The following RBM25 variants were observed in gnomAD, a reference collection of about 807,000 sequenced individuals.
The protein encoded by RBM25 is RNA binding motif protein 25, also known as RNA-binding protein 25.
Under a neutral mutation model 120.7 loss-of-function variants are expected in RBM25, and 19 were observed. The ratio of observed to expected loss-of-function variants is 0.16; its 90% confidence interval spans 0.11 to 0.23. RBM25 has a LOEUF of 0.23. RBM25 is among the 10% of genes least tolerant of loss of function. The probability of loss-of-function intolerance (pLI) is 1.00; values close to 1 mark genes in which losing one functional copy is unlikely to be tolerated. For synonymous variants in RBM25, 390 were observed against 326.7 expected (o/e 1.19, Z -2.09); for missense variants, 605 against 1,041.5 (o/e 0.58, Z 5.77).
chr14:73,073,919 T>G (rs1251160530), intron 2 of RBM25, among the ~76,000 whole-genome samples: 1 of 152,172 alleles, frequency 6.6e-6, no homozygotes, highest in East Asian at 1.9e-4. Context: ...AAGTAGTAAC[T>G]TAGTTGTTTT....
At chr14:73,097,179 GTTTTCTTTTTTCTTTTCTTT>G (rs1895958682) in intron 7 of RBM25, 79 bp downstream of exon 7, 1 of 273,018 alleles carries the variant, frequency 3.7e-6, no homozygotes, top group South Asian at 1.2e-4. Flanking sequence ...TTACATGTCA[GTTTTCTTTTTTCTTTTCTTT>G]TTTTTTTTTT....
intron 2 of RBM25, among the ~76,000 whole-genome samples, chr14:73,075,941 CA>C (rs1825826528): frequency 6.6e-6 from 1 of 152,036 alleles, no homozygotes; most frequent in South Asian, 2.1e-4. Flanking sequence ...CCACCGTGCC[CA>C]GCTGTTTTTA....
intron 10 of RBM25, among the ~76,000 whole-genome samples, chr14:73,104,671 A>G (rs948099792): frequency 6.6e-6 from 1 of 152,020 alleles, no homozygotes; most frequent in Non-Finnish European, 1.5e-5. Context: ...CCGGCCTTAT[A>G]TTGAATTATT....
intron 10 of RBM25, among the ~76,000 whole-genome samples, chr14:73,103,990 ACACACTCTCT>A (rs1896124504): frequency 8.6e-6 from 1 of 116,660 alleles, no homozygotes; most frequent in East Asian, 2.6e-4. Context: ...ACACACACAC[ACACACTCTCT>A]CTCTCTCTCT....
rs181768259 is a variant in RBM25, at chr14:73,091,550, C to T, written c.543+3389C>T. On this transcript the variant is annotated intron_variant, in intron 6 of 18. Coordinates refer to ENST00000261973, the MANE Select transcript of RBM25 (RefSeq NM_021239.3). Reference sequence around the variant, plus strand: ...TATAATCAACATTAGCCAGAGTAACCACACTTTAGATCTGTTGGTCTTCAG... The same window carrying T: ...TATAATCAACATTAGCCAGAGTAACTACACTTTAGATCTGTTGGTCTTCAG... Among the ~76,000 whole-genome samples the T allele has an allele frequency of 1.7e-3, 259 of 152,130 alleles. 3 individuals carry two copies. The highest frequency in any genetic ancestry group is 3.3e-3 in the Non-Finnish European group (224 of 68,016).
intron 18 of RBM25, among the ~76,000 whole-genome samples, chr14:73,115,608 T>C (rs1418881897): frequency 1.3e-5 from 2 of 152,186 alleles, no homozygotes; most frequent in African/African-American, 4.8e-5. Flanking sequence ...TTGCATTTAA[T>C]TTGGGATTAC....
At chr14:73,091,350 G>A in intron 6 of RBM25, among the ~76,000 whole-genome samples, 1 of 152,002 alleles carries the variant, frequency 6.6e-6, no homozygotes, top group East Asian at 1.9e-4. Context: ...CCTCAGCTGG[G>A]ACTACAGGTA....
rs113745177 is a variant in RBM25 at position 73,060,205 on chromosome 14, A to G, written c.-16+1500A>G. ...AGGCGCGCGCCACCACGCCCGGCTA[A>G]TTTTTGTAGTTTTAATAGAGGCGAG... On this transcript the variant is annotated intron_variant, in intron 1 of 18. Coordinates refer to ENST00000261973, the MANE Select transcript of RBM25 (RefSeq NM_021239.3). Among the ~76,000 whole-genome samples the G allele has an allele frequency of 3.9e-3, 584 of 148,354 alleles. 8 individuals carry two copies. The highest frequency in any genetic ancestry group is 0.013 in the African/African-American group (523 of 41,140).
intron 1 of RBM25, among the ~76,000 whole-genome samples, chr14:73,067,598 G>A (rs1465853014): frequency 2.1e-5 from 3 of 145,544 alleles, no homozygotes; most frequent in Non-Finnish European, 4.5e-5. Context: ...ATGTTTTATT[G>A]CCTGTATTTT....
At chr14:73,082,384 T>C (rs1300788722) in intron 4 of RBM25, among the ~76,000 whole-genome samples, 2 of 152,146 alleles carry the variant, frequency 1.3e-5, no homozygotes, top group African/African-American at 2.4e-5. Flanking sequence ...CTCGATTTCC[T>C]GGGCTCTAGC....
chr14:73,082,916 A>C (rs1295660105), intron 4 of RBM25, among the ~76,000 whole-genome samples: 1 of 151,632 alleles, frequency 6.6e-6, no homozygotes, highest in East Asian at 1.9e-4. Flanking sequence ...ATAAAAAAAA[A>C]AAAACAAAAA....
chr14:73,060,279 C>T (rs1894973373), intron 1 of RBM25, among the ~76,000 whole-genome samples: 2 of 151,362 alleles, frequency 1.3e-5, no homozygotes, highest in South Asian at 4.2e-4. Flanking sequence ...CCTCGTGATC[C>T]GCCCGCCTAG....
In RBM25 at chr14:73,122,563, A is replaced by C. The variant is rs1397872142; in HGVS notation, c.*2758A>C. Reference sequence around the variant, plus strand: ...AGTGCTGGTATTACAGGCGTGAGCCACCTTGCCTGGCCAAAGCGTGAACAT... The same window carrying C: ...AGTGCTGGTATTACAGGCGTGAGCCCCCTTGCCTGGCCAAAGCGTGAACAT... On this transcript the variant is annotated 3_prime_UTR_variant, in exon 19 of 19. Coordinates refer to ENST00000261973, the MANE Select transcript of RBM25 (RefSeq NM_021239.3). 6.6e-6 allele frequency: 1 copy of C among 152,202 alleles called. No individual in the cohort carries two copies. The highest frequency in any genetic ancestry group is 1.5e-5 in the Non-Finnish European group (1 of 68,054). 9.4% of individuals were successfully genotyped at this position (152,202 alleles called of 1,614,324 possible). A position where few individuals can be genotyped will look rare whatever the true frequency, so the allele number is the denominator to read the frequency against.
At chr14:73,080,213 CTTTTTTTTTTT>C (rs766461418) in intron 4 of RBM25, among the ~76,000 whole-genome samples, 12 of 67,198 alleles carry the variant, frequency 1.8e-4, no homozygotes, top group East Asian at 1.5e-3. Context: ...TCTTACACAT[CTTTTTTTTTTT>C]TTTTTTTTTT....
chr14:73,095,026 T>G (rs1159807067), intron 6 of RBM25, among the ~76,000 whole-genome samples: 2 of 150,582 alleles, frequency 1.3e-5, no homozygotes, highest in Admixed American at 1.3e-4. Context: ...CCAGCTAATT[T>G]TTTGTATTTT....
At chr14:73,063,823 C>T (rs552116837) in intron 1 of RBM25, among the ~76,000 whole-genome samples, 1 of 151,512 alleles carries the variant, frequency 6.6e-6, no homozygotes, top group South Asian at 2.1e-4. Flanking sequence ...AAATGATTTT[C>T]ACCTCATTCA....
intron 6 of RBM25, among the ~76,000 whole-genome samples, chr14:73,091,601 G>A (rs980960936): frequency 2.6e-5 from 4 of 152,116 alleles, no homozygotes; most frequent in Non-Finnish European, 4.4e-5. Context: ...TCTGGATGTG[G>A]TGGCTCACAC....
chr14:73,099,466 G>T, intron 8 of RBM25, 33 bp downstream of exon 8: 1 of 1,600,304 alleles, frequency 6.2e-7, no homozygotes. Context: ...GACAATACCT[G>T]TGTTTACTGC....
At chr14:73,106,356 A>G in intron 12 of RBM25, 71 bp downstream of exon 12, 1 of 1,179,306 alleles carries the variant, frequency 8.5e-7, no homozygotes, top group Non-Finnish European at 1.2e-6. Context: ...GCTAACTACA[A>G]GTAACTTAAT....
Sources: gnomAD v4.1 joint callset for allele counts (sites outside exome capture counted in the v4.1 genomes callset) on GRCh38, gnomAD v4.1.1 for gene constraint, MANE v1.5 for transcripts, NCBI Gene and HGNC (gene_info 2026-07-23, HGNC 2026-07-21) for gene names.